The following AK5 variants were observed in gnomAD, a reference collection of about 807,000 sequenced individuals.
AK5 encodes adenylate kinase isoenzyme 5.
A neutral mutation model predicts 69.5 loss-of-function variants in AK5; 27 were observed. The observed-to-expected ratio is 0.39, with a 90% CI of 0.29 to 0.54. The LOEUF is 0.54. Among genes scored for constraint, AK5 ranks in the 20% least tolerant of loss-of-function variants. The probability of loss-of-function intolerance (pLI) is 0.71; values close to 1 mark genes in which losing one functional copy is unlikely to be tolerated. For missense variants in AK5, 531 were observed against 700.4 expected (o/e 0.76, Z 2.73); for synonymous variants, 260 against 244.4 (o/e 1.06, Z -0.60).
intron 5 of AK5, among the ~76,000 whole-genome samples, chr1:77,324,037 A>G (rs1660662929): frequency 6.6e-6 from 1 of 152,206 alleles, no homozygotes; most frequent in Admixed American, 6.5e-5. Context: ...CAGCCAACAG[A>G]GACTCAAAAG....
intron 6 of AK5, among the ~76,000 whole-genome samples, chr1:77,351,070 CA>C (rs756283983): frequency 1.2e-4 from 19 of 152,004 alleles, no homozygotes; most frequent in Non-Finnish European, 1.9e-4. Flanking sequence ...TGGTCTTCAC[CA>C]AAAATAAAAG....
At chr1:77,515,306 G>A (rs1171656844) in intron 10 of AK5, among the ~76,000 whole-genome samples, 2 of 152,150 alleles carry the variant, frequency 1.3e-5, no homozygotes, top group Non-Finnish European at 2.9e-5. Context: ...GGAAGGAGGG[G>A]CCCTTCTATT....
At chr1:77,533,397 T>C (rs768420189) in intron 12 of AK5, among the ~76,000 whole-genome samples, 7 of 149,992 alleles carry the variant, frequency 4.7e-5, no homozygotes, top group Non-Finnish European at 1.0e-4. Context: ...ACACCTGTAA[T>C]CCCAGCTACT....
At chr1:77,422,322 CA>C (rs775516512) in intron 8 of AK5, among the ~76,000 whole-genome samples, 183 of 152,304 alleles carry the variant, frequency 1.2e-3, no homozygotes, top group Non-Finnish European at 2.0e-3. Context: ...TTCCTGAAAG[CA>C]CACACAATCA....
intron 9 of AK5, among the ~76,000 whole-genome samples, chr1:77,484,772 A>G (rs1292834073): frequency 2.0e-5 from 3 of 152,214 alleles, no homozygotes; most frequent in Admixed American, 6.5e-5. Flanking sequence ...TGCATTGCCT[A>G]TATATCTATT....
intron 13 of AK5, among the ~76,000 whole-genome samples, chr1:77,552,537 C>G (rs1659873048): frequency 6.6e-6 from 1 of 152,122 alleles, no homozygotes; most frequent in Non-Finnish European, 1.5e-5. Context: ...GAAGGTAATA[C>G]AGAAAGAGCC....
chr1:77,418,080 C>T (rs570303548), intron 8 of AK5, among the ~76,000 whole-genome samples: 18 of 152,242 alleles, frequency 1.2e-4, no homozygotes, highest in East Asian at 9.6e-4. Flanking sequence ...GCTATTTTAT[C>T]GCTAACTGTA....
intron 5 of AK5, among the ~76,000 whole-genome samples, chr1:77,333,850 A>C (rs1283275393): frequency 6.6e-6 from 1 of 152,228 alleles, no homozygotes; most frequent in African/African-American, 2.4e-5. Flanking sequence ...TTAATGTCTC[A>C]TAGAAATCAG....
chr1:77,367,854 AATATATAAT>A (rs1647020326), intron 6 of AK5, among the ~76,000 whole-genome samples: 2 of 2,216 alleles, frequency 9.0e-4, no homozygotes, highest in African/African-American at 3.6e-3. Context: ...TATTATATAT[AATATATAAT>A]ATATGTGATA....
In AK5 at chr1:77,474,407, C is replaced by T. The variant is rs1048304181; in HGVS notation, c.1060-8910C>T. The stretch of plus-strand genomic sequence containing the variant: ...CACTAACTAGCTCTGTCTCACTTTC[C>T]ACTCAGGCTTACCCTCTAGAGCCTT... On this transcript the variant is annotated intron_variant, in intron 8 of 13. Coordinates refer to ENST00000354567, the MANE Select transcript of AK5 (RefSeq NM_174858.3). 1.2e-4 allele frequency among the ~76,000 whole-genome samples: 19 copies of T among 152,222 alleles called. No individual in the cohort carries two copies. In the East Asian group the frequency reaches 1.3e-3, roughly 11 times the overall value.
At chr1:77,456,555 A>G (rs1653496775) in intron 8 of AK5, among the ~76,000 whole-genome samples, 1 of 152,234 alleles carries the variant, frequency 6.6e-6, no homozygotes, top group East Asian at 1.9e-4. Context: ...CCAGGGAGCA[A>G]GAACAGCACC....
At position 77,461,327 on chromosome 1, in the gene AK5, C is replaced by T. The variant is rs142802983; in HGVS notation, c.1060-21990C>T. Among the ~76,000 whole-genome samples the T allele has an allele frequency of 3.8e-4, 57 of 151,912 alleles. 1 individual carries two copies. In the East Asian group the frequency reaches 0.011, roughly 28 times the overall value. On this transcript the variant is annotated intron_variant, in intron 8 of 13. Coordinates refer to ENST00000354567, the MANE Select transcript of AK5 (RefSeq NM_174858.3). ...GGATTACAGGCGTGAGCCACCGCAC[C>T]CGGCCCTGTATGTGGAATTTTTAAA...
At position 77,282,290 on chromosome 1, in the gene AK5, C is replaced by T; in HGVS notation, c.-24C>T. ...CAGCCCGGGAGCCTCCCCGCTTGCG[C>T]CCCAAGGCACGCGCGGCACAGCCAT... On this transcript the variant is annotated 5_prime_UTR_variant, in exon 1 of 14. Transcript: ENST00000354567. The T allele has an allele frequency of 6.5e-7, 1 of 1,544,294 alleles. No individual in the cohort carries two copies. The highest frequency in any genetic ancestry group is 8.7e-7 in the Non-Finnish European group (1 of 1,144,164).
chr1:77,516,998 G>A (rs910809694), intron 10 of AK5, among the ~76,000 whole-genome samples: 2 of 151,838 alleles, frequency 1.3e-5, no homozygotes, highest in Admixed American at 1.3e-4. Flanking sequence ...TTGAACCTGG[G>A]GGGTGGAGGT....
intron 5 of AK5, among the ~76,000 whole-genome samples, chr1:77,338,063 C>G (rs1195227182): frequency 6.6e-6 from 1 of 151,390 alleles, no homozygotes; most frequent in African/African-American, 2.4e-5. Context: ...TTCCCGGGTT[C>G]AAGTGATTCT....
chr1:77,347,228 G>C (rs1291850338), intron 6 of AK5, among the ~76,000 whole-genome samples: 1 of 152,200 alleles, frequency 6.6e-6, no homozygotes, highest in Non-Finnish European at 1.5e-5. Flanking sequence ...GCCAGAGTGT[G>C]TTTAAATTAA....
At chr1:77,439,771 CATATAT>C (rs1652197279) in intron 8 of AK5, among the ~76,000 whole-genome samples, 1 of 150,076 alleles carries the variant, frequency 6.7e-6, no homozygotes, top group Admixed American at 6.7e-5. Flanking sequence ...TATGTATATA[CATATAT>C]ATGTATGTAT....
intron 6 of AK5, among the ~76,000 whole-genome samples, chr1:77,349,143 A>G (rs1662064523): frequency 6.6e-6 from 1 of 152,210 alleles, no homozygotes; most frequent in East Asian, 1.9e-4. Flanking sequence ...GCCTTAGGAA[A>G]CAATAGCTAA....
intron 10 of AK5, among the ~76,000 whole-genome samples, chr1:77,517,926 A>G (rs900513618): frequency 6.6e-6 from 1 of 152,158 alleles, no homozygotes; most frequent in African/African-American, 2.4e-5. Flanking sequence ...CAAGGATATC[A>G]TTATGATGGA....
Sources: gnomAD v4.1 joint callset for allele counts (sites outside exome capture counted in the v4.1 genomes callset) on GRCh38, gnomAD v4.1.1 for gene constraint, MANE v1.5 for transcripts, NCBI Gene and HGNC (gene_info 2026-07-23, HGNC 2026-07-21) for gene names.